The following ZNF266 variants were observed in gnomAD, a reference collection of about 807,000 sequenced individuals.
The protein encoded by ZNF266 is zinc finger protein 1.
ZNF266 carries 16 observed loss-of-function variants against 16.4 expected under a neutral mutation model. The ratio of observed to expected loss-of-function variants is 0.98; its 90% confidence interval spans 0.66 to 1.48. ZNF266 has a LOEUF of 1.48. Ranked by LOEUF, ZNF266 falls within the 40% of genes most tolerant of loss-of-function variation. The pLI is 0.00. For synonymous variants in ZNF266, 262 were observed against 237.9 expected, an observed-to-expected ratio of 1.10 and a Z score of -0.93; for missense variants, 738 against 689.1, an observed-to-expected ratio of 1.07 and a Z score of -0.79.
At position 9,413,958 on chromosome 19, in the gene ZNF266, G is replaced by A. The variant is rs267605821; in HGVS notation, c.1168C>T (p.Pro390Ser). The change falls in exon 11 of 11, where the codon CCC becomes TCC. Residue 390 changes from proline to serine, a missense_variant. Coordinates refer to ENST00000592904, the MANE Select transcript of ZNF266 (RefSeq NM_001370374.1). ...TTTCCACATATCTTACATTCAAAGG[G>A]ATCCTTTGCAGTGTGAGTTTTTAAA... is the stretch of plus-strand genomic sequence containing the variant. ...EHLKTHTAKD[P>S]FECKICGKSF... The A allele has an allele frequency of 6.2e-7, 1 of 1,614,148 alleles. No homozygotes were observed. The highest frequency in any genetic ancestry group is 1.7e-5 in the Admixed American group (1 of 60,016).
intron 5 of ZNF266, among the ~76,000 whole-genome samples, chr19:9,421,361 T>C (rs34762130): frequency 0.045 from 6,910 of 152,334 alleles, 208 homozygotes; most frequent in Non-Finnish European, 0.071. Context: ...CAAATGTGTT[T>C]AATTTGGTGA....
At chr19:9,422,097 C>T (rs989695902) in intron 5 of ZNF266, among the ~76,000 whole-genome samples, 2 of 152,152 alleles carry the variant, frequency 1.3e-5, no homozygotes, top group Non-Finnish European at 2.9e-5. Context: ...GTGATCTGCC[C>T]GCCTCGGCCT....
intron 5 of ZNF266, among the ~76,000 whole-genome samples, chr19:9,427,780 T>C (rs906744886): frequency 6.6e-6 from 1 of 152,104 alleles, no homozygotes; most frequent in Non-Finnish European, 1.5e-5. Context: ...AACATCCACC[T>C]TCTCCAGGAA....
chr19:9,423,390 A>C (rs937140484), intron 5 of ZNF266, among the ~76,000 whole-genome samples: 1 of 152,208 alleles, frequency 6.6e-6, no homozygotes, highest in Non-Finnish European at 1.5e-5. Flanking sequence ...CACCCACGGA[A>C]TCACAACATG....
rs1208615192 is a variant in ZNF266 at position 9,413,964 on chromosome 19, T to C, written c.1162A>G (p.Lys388Glu). The change falls in exon 11 of 11, where the codon AAG becomes GAG. Residue 388 changes from lysine to glutamate, a missense_variant. Coordinates refer to ENST00000592904, the MANE Select transcript of ZNF266 (RefSeq NM_001370374.1). ...LTEHLKTHTA[K>E]DPFECKICGK... Reference sequence around the variant, plus strand: ...CATATCTTACATTCAAAGGGATCCTTTGCAGTGTGAGTTTTTAAATGTTCA... The same window carrying C: ...CATATCTTACATTCAAAGGGATCCTCTGCAGTGTGAGTTTTTAAATGTTCA... 3 of 1,614,164 alleles carry C rather than the reference T, an allele frequency of 1.9e-6. No individual in the cohort carries two copies. Among genetic ancestry groups the C allele is most frequent in the Non-Finnish European group, 2.5e-6 (3 of 1,180,026 alleles).
In ZNF266 at chr19:9,413,488, A is replaced by G; in HGVS notation, c.1638T>C (p.Val546=). Residue 546 remains valine, a synonymous_variant, in exon 11 of 11, where the codon GTT becomes GTC. Coordinates refer to ENST00000592904, the MANE Select transcript of ZNF266 (RefSeq NM_001370374.1). The part of the protein sequence containing the change: ...CGKAFKFPTC[V]NLHMRIHTGE... ...CAGTGTGGATCCGCATGTGAAGGTT[A>G]ACACACGTGGGAAACTTAAAAGCTT... 6.2e-7 allele frequency: 1 copy of G among 1,613,232 alleles called. No homozygotes were observed. Among genetic ancestry groups the G allele is most frequent in the East Asian group, 2.2e-5 (1 of 44,878 alleles).
rs1599413616 is a variant in ZNF266, at chr19:9,412,493, A to C, written c.*782T>G. 1 of 152,274 alleles carries C rather than the reference A, an allele frequency of 6.6e-6. No homozygotes were observed. The highest frequency in any genetic ancestry group is 6.5e-5 in the Admixed American group (1 of 15,286). 9.4% of individuals were successfully genotyped at this position (152,274 alleles called of 1,614,324 possible). On this transcript the variant is annotated 3_prime_UTR_variant, in exon 11 of 11. Coordinates refer to ENST00000592904, the MANE Select transcript of ZNF266 (RefSeq NM_001370374.1). ...AAAATTTGTGTTGGTCTGCATTCAA[A>C]GCCATCCTGGCCTGCGGGTTGGACA...
At chr19:9,422,103 G>A (rs565578162) in intron 5 of ZNF266, among the ~76,000 whole-genome samples, 4 of 152,236 alleles carry the variant, frequency 2.6e-5, no homozygotes, top group South Asian at 2.1e-4. Context: ...TGCCCGCCTC[G>A]GCCTCCCAAA....
intron 5 of ZNF266, among the ~76,000 whole-genome samples, chr19:9,421,632 C>G (rs2069900041): frequency 6.6e-6 from 1 of 152,158 alleles, no homozygotes; most frequent in African/African-American, 2.4e-5. Context: ...GTAAATTAGG[C>G]AGTGTGCTCA....
At chr19:9,429,760 CCA>C (rs1325968435) in intron 5 of ZNF266, among the ~76,000 whole-genome samples, 3 of 152,052 alleles carry the variant, frequency 2.0e-5, no homozygotes, top group Non-Finnish European at 4.4e-5. Context: ...ATGTGCACAC[CCA>C]CATACCCAAG....
In ZNF266 at chr19:9,413,199, A is replaced by G; in HGVS notation, c.*76T>C. The G allele has an allele frequency of 1.3e-6, 2 of 1,507,628 alleles. No individual in the cohort carries two copies. The highest frequency in any genetic ancestry group is 2.3e-5 in the Admixed American group (1 of 43,346). The allele number at this position is 1,507,628 out of a possible 1,614,324, so 93.4% of individuals were successfully genotyped here. A position where few individuals can be genotyped will look rare whatever the true frequency, so the allele number is the denominator to read the frequency against. ...TACAAAGTTGCTTCCACATTTTTAC[A>G]TTCATAGGGTTTCTCCCCAGTGAGT... On this transcript the variant is annotated 3_prime_UTR_variant, in exon 11 of 11. Transcript: ENST00000592904.
intron 5 of ZNF266, among the ~76,000 whole-genome samples, chr19:9,427,189 G>A (rs1475771212): frequency 6.6e-6 from 1 of 152,096 alleles, no homozygotes; most frequent in Non-Finnish European, 1.5e-5. Flanking sequence ...CCTCATGCTG[G>A]ATTACTACAG....
At chr19:9,415,520 C>T in intron 10 of ZNF266, 134 bp downstream of exon 10, 1 of 682,702 alleles carries the variant, frequency 1.5e-6, no homozygotes, top group Non-Finnish European at 2.4e-6. Context: ...TCAAGTGATC[C>T]TCCCACTTCA....
chr19:9,430,482 C>T (rs1309644789), intron 5 of ZNF266, among the ~76,000 whole-genome samples: 2 of 152,200 alleles, frequency 1.3e-5, no homozygotes, highest in Non-Finnish European at 2.9e-5. Flanking sequence ...AACCACACCA[C>T]TCTTGCCCCT....
chr19:9,422,085 T>C (rs1250891986), intron 5 of ZNF266, among the ~76,000 whole-genome samples: 1 of 152,168 alleles, frequency 6.6e-6, no homozygotes, highest in African/African-American at 2.4e-5. Flanking sequence ...TCTCCTGACT[T>C]TGTGATCTGC....
rs573684462 is a variant in ZNF266, at chr19:9,422,944, A to AT, written c.-129-2727dup. 2.1e-3 allele frequency among the ~76,000 whole-genome samples: 324 copies of AT among 152,374 alleles called. 2 individuals carry two copies. The highest frequency in any genetic ancestry group is 0.012 in the South Asian group (56 of 4,830). On this transcript the variant is annotated intron_variant, in intron 5 of 10. Coordinates refer to ENST00000592904, the MANE Select transcript of ZNF266 (RefSeq NM_001370374.1). ...GTAACAAGGAAACCTAGGAAAAGGT[A>AT]TATGGATGGACGTCTCTGAAAGGAA...
intron 5 of ZNF266, among the ~76,000 whole-genome samples, chr19:9,431,936 G>C (rs1346997755): frequency 6.6e-6 from 1 of 152,148 alleles, no homozygotes; most frequent in Non-Finnish European, 1.5e-5. Context: ...ATGTAATTGA[G>C]GTCTCAAGTC....
chr19:9,419,488 T>C (rs1299396188), intron 6 of ZNF266, 189 bp from the exon 7 acceptor site: 4 of 152,240 alleles, frequency 2.6e-5, no homozygotes, highest in Non-Finnish European at 5.9e-5. Context: ...AAAAAAAGGA[T>C]AGTCAGCCAT....
Position 9,430,337 on chromosome 19 carries a change from A to G in ZNF266, c.-130+3331T>C, listed in dbSNP as rs959729117. Among the ~76,000 whole-genome samples, 11 of 151,074 alleles carry G rather than the reference A, an allele frequency of 7.3e-5. 1 individual carries two copies. Among genetic ancestry groups the G allele is most frequent in the South Asian group, 4.2e-4 (2 of 4,752 alleles). On this transcript the variant is annotated intron_variant, in intron 5 of 10. Transcript: ENST00000592904. ...CAGGGCTCAGACTTTCCTGGATGCC[A>G]GTCCTCCTGAGCCAGGTGATCACCT... is the stretch of plus-strand genomic sequence containing the variant.
Sources: allele counts gnomAD v4.1 joint callset (sites outside exome capture counted in the v4.1 genomes callset), GRCh38; gene constraint gnomAD v4.1.1; transcripts MANE v1.5; gene names NCBI Gene and HGNC (gene_info 2026-07-23, HGNC 2026-07-21).